Variants in HDAC4 observed in about 807,000 individuals in gnomAD.
HDAC4 encodes histone deacetylase 4, also known as histone deacetylase A.
In HDAC4, 16 loss-of-function variants were observed where a neutral mutation model predicts 135.1. The ratio of observed to expected loss-of-function variants is 0.12; its 90% CI spans 0.08 to 0.18. The LOEUF (loss-of-function observed/expected upper bound fraction) is 0.18, where lower values mean the gene tolerates loss of function less well. Ranked by LOEUF, HDAC4 falls within the 10% of genes least tolerant of loss-of-function variation. The pLI is 1.00. For synonymous variants in HDAC4, 685 were observed against 653.4 expected, an observed-to-expected ratio of 1.05 and a Z score of -0.74; for missense variants, 1,143 against 1,511.8, an observed-to-expected ratio of 0.76 and a Z score of 4.05.
At chr2:239,207,635 A>G (rs2046120937) in intron 3 of HDAC4, among the ~76,000 whole-genome samples, 1 of 152,256 alleles carries the variant, frequency 6.6e-6, no homozygotes, top group South Asian at 2.1e-4. Context: ...CATGAAGTAG[A>G]CACATTTCTA....
At chr2:239,170,348 T>C (rs749861915) in intron 5 of HDAC4, among the ~76,000 whole-genome samples, 8 of 152,240 alleles carry the variant, frequency 5.3e-5, no homozygotes, top group Non-Finnish European at 1.0e-4. Flanking sequence ...CTGAATTTAC[T>C]TAATAGTTAT....
intron 2 of HDAC4, among the ~76,000 whole-genome samples, chr2:239,254,999 A>T (rs1660390900): frequency 6.6e-6 from 1 of 152,260 alleles, no homozygotes; most frequent in African/African-American, 2.4e-5. Flanking sequence ...GCTGAAAGAC[A>T]CAGCAACCTG....
At chr2:239,287,634 G>T (rs1251660798) in intron 2 of HDAC4, among the ~76,000 whole-genome samples, 1 of 152,194 alleles carries the variant, frequency 6.6e-6, no homozygotes, top group Non-Finnish European at 1.5e-5. Context: ...ACTGGGTGCA[G>T]CCAGCCACAG....
At chr2:239,322,479 A>C (rs2053347295) in intron 2 of HDAC4, among the ~76,000 whole-genome samples, 2 of 152,240 alleles carry the variant, frequency 1.3e-5, no homozygotes, top group Non-Finnish European at 1.5e-5. Flanking sequence ...TGTAGAAAAC[A>C]CTTAGCAAAG....
intron 2 of HDAC4, among the ~76,000 whole-genome samples, chr2:239,266,400 T>C (rs1575565896): frequency 1.3e-5 from 2 of 152,322 alleles, no homozygotes; most frequent in African/African-American, 4.8e-5. Context: ...ACAGCCATCC[T>C]GCCTGCAGCA....
chr2:239,263,436 G>A (rs2125125166), intron 2 of HDAC4, among the ~76,000 whole-genome samples: 1 of 152,172 alleles, frequency 6.6e-6, no homozygotes, highest in East Asian at 1.9e-4. Flanking sequence ...CCCCCTCGGA[G>A]CTGCCCCATG....
chr2:239,366,395 A>G (rs867185563), intron 1 of HDAC4, among the ~76,000 whole-genome samples: 2 of 152,242 alleles, frequency 1.3e-5, no homozygotes, highest in African/African-American at 2.4e-5. Flanking sequence ...AACAGACGTC[A>G]GCACTGAACT....
At chr2:239,125,561 G>A (rs929763134) in intron 12 of HDAC4, among the ~76,000 whole-genome samples, 11 of 152,176 alleles carry the variant, frequency 7.2e-5, no homozygotes, top group African/African-American at 2.4e-4. Context: ...GTGAGTTTAC[G>A]TGTAGATGTG....
rs1289242930 is a variant in HDAC4 at position 239,400,213 on chromosome 2, C to T, written c.-220+765G>A. 6.6e-6 allele frequency among the ~76,000 whole-genome samples: 1 copy of T among 151,590 alleles called. No individual in the cohort carries two copies. The highest frequency in any genetic ancestry group is 2.4e-5 in the African/African-American group (1 of 41,348). Reference sequence around the variant, plus strand: ...CGGGCAGCCCCCCGCCCTCCCGCGACCCCCCGGGCGCTCGCAGCGGCGACG... The same window carrying T: ...CGGGCAGCCCCCCGCCCTCCCGCGATCCCCCGGGCGCTCGCAGCGGCGACG... On this transcript the variant is annotated intron_variant, in intron 1 of 26. Coordinates refer to ENST00000543185, the MANE Select transcript of HDAC4 (RefSeq NM_001378414.1). This position sits in a 1 kb window ranked among gnomAD's most constrained non-coding sequence, Gnocchi z 4.7.
Position 239,240,052 on chromosome 2 carries a change from G to A in HDAC4, c.23-3388C>T, listed in dbSNP as rs1425150445. 1.3e-5 allele frequency among the ~76,000 whole-genome samples: 2 copies of A among 152,246 alleles called. No individual in the cohort carries two copies. The highest frequency in any genetic ancestry group is 4.8e-5 in the African/African-American group (2 of 41,462). ...CCACCTGGACAGCATGACAGATGCC[G>A]CATCCCTCATTATGAAAGGCTGGGG... On this transcript the variant is annotated intron_variant, in intron 2 of 26. Coordinates refer to ENST00000543185, the MANE Select transcript of HDAC4 (RefSeq NM_001378414.1). The surrounding 1 kb of genome is among the most constrained non-coding windows in gnomAD (Gnocchi z 4.5).
chr2:239,276,291 G>C (rs942409128), intron 2 of HDAC4, among the ~76,000 whole-genome samples: 1 of 152,220 alleles, frequency 6.6e-6, no homozygotes, highest in Non-Finnish European at 1.5e-5. Flanking sequence ...AAGTGTTGAG[G>C]GGAGAAGGCG....
chr2:239,361,999 C>T (rs199675179), intron 1 of HDAC4, among the ~76,000 whole-genome samples: 1 of 152,224 alleles, frequency 6.6e-6, no homozygotes, highest in East Asian at 1.9e-4. Context: ...TGTATCTGTA[C>T]ATCCCTAACT....
chr2:239,185,473 T>C (rs530522269), intron 4 of HDAC4, among the ~76,000 whole-genome samples: 124 of 151,568 alleles, frequency 8.2e-4, no homozygotes, highest in African/African-American at 3.0e-3. Context: ...TGGGGAGAGA[T>C]GCACCCTGCA....
rs55990119 is a variant in HDAC4 at position 239,295,306 on chromosome 2, CAAAAAAAAAAAAAAAA to C, written c.22+57356_22+57371del. On this transcript the variant is annotated intron_variant, in intron 2 of 26. Coordinates refer to ENST00000543185, the MANE Select transcript of HDAC4 (RefSeq NM_001378414.1). ...TGGGTGACAGAGCAAGACTCCGTCT[CAAAAAAAAAAAAAAAA>C]AAAAAAAAAAAGATGATTATAGTAA... 8.6e-5 allele frequency among the ~76,000 whole-genome samples: 4 copies of C among 46,526 alleles called. No homozygotes were observed. In the East Asian group the frequency reaches 2.4e-3, roughly 28 times the overall value. 30.5% of individuals were successfully genotyped at this position (46,526 alleles called of 152,430 possible).
At chr2:239,248,485 T>C (rs2048598143) in intron 2 of HDAC4, among the ~76,000 whole-genome samples, 3 of 152,192 alleles carry the variant, frequency 2.0e-5, no homozygotes, top group Admixed American at 6.5e-5. Context: ...CGGCCACCTC[T>C]AGCGCTTTTT....
intron 2 of HDAC4, among the ~76,000 whole-genome samples, chr2:239,277,900 CCCAGTCACACACCCCAGCCACACACT>C (rs2050468183): frequency 1.3e-5 from 2 of 152,002 alleles, no homozygotes; most frequent in South Asian, 2.1e-4. Context: ...AGTCATACGC[CCCAGTCACACACCCCAGCCACACACT>C]CCAGCCACAC....
intron 2 of HDAC4, among the ~76,000 whole-genome samples, chr2:239,346,574 CACAG>C (rs1029013904): frequency 3.6e-5 from 5 of 139,812 alleles, no homozygotes; most frequent in African/African-American, 1.0e-4. Flanking sequence ...CACACACACA[CACAG>C]ACCATAACAC....
Position 239,134,221 on chromosome 2 carries a change from G to C in HDAC4, c.1294+24C>G, listed in dbSNP as rs775565255. The C allele has an allele frequency of 1.9e-6, 3 of 1,596,890 alleles. No individual in the cohort carries two copies. The African/African-American group carries it at 4.0e-5, about 21-fold the overall frequency. ...GCGTGGGCAGCCTCAGAGCCTGGCT[G>C]CACCCAGGCCCATTTGTGCTCACCT... is the stretch of plus-strand genomic sequence containing the variant. On this transcript the variant is annotated intron_variant, in intron 11 of 26. Transcript: ENST00000543185.
At chr2:239,153,735 A>G (rs557046292) in intron 7 of HDAC4, among the ~76,000 whole-genome samples, 15 of 152,350 alleles carry the variant, frequency 9.8e-5, no homozygotes, top group African/African-American at 3.4e-4. Context: ...TCAAGAAAGC[A>G]GGGAGTTGGA....
Sources: gnomAD v4.1 joint callset for allele counts (sites outside exome capture counted in the v4.1 genomes callset) on GRCh38, gnomAD v4.1.1 for gene constraint, Gnocchi (gnomAD v3.1) non-coding constraint, MANE v1.5 for transcripts, NCBI Gene and HGNC (gene_info 2026-07-23, HGNC 2026-07-21) for gene names.